NKAIN3: variants seen among roughly 807,000 people sequenced by gnomAD.
NKAIN3 encodes the protein sodium/potassium-transporting ATPase subunit beta-1-interacting protein 3.
Under a neutral mutation model 30.2 loss-of-function variants are expected in NKAIN3, and 25 were observed. The ratio of observed to expected loss-of-function variants is 0.83; its 90% CI spans 0.60 to 1.16. The LOEUF (loss-of-function observed/expected upper bound fraction) is 1.16. Among genes scored for constraint, NKAIN3 ranks in the 50% most tolerant of loss-of-function variants. The pLI, the probability that NKAIN3 is intolerant of heterozygous loss-of-function variation, is 0.00. For synonymous variants in NKAIN3, 91 were observed against 89.6 expected, an observed-to-expected ratio of 1.02 and a Z score of -0.09; for missense variants, 225 against 254.1, an observed-to-expected ratio of 0.89 and a Z score of 0.78.
Position 62,830,988 on chromosome 8 carries a change from G to T in NKAIN3, c.471+83859G>T, listed in dbSNP as rs186375614. 5.1e-4 allele frequency among the ~76,000 whole-genome samples: 77 copies of T among 152,186 alleles called. 1 individual carries two copies. The highest frequency in any genetic ancestry group is 6.8e-3 in the Middle Eastern group (2 of 294). On this transcript the variant is annotated intron_variant, in intron 4 of 6. Transcript: ENST00000623646. ...GCTCAGACTGCCCTATATACTCCACGTATCAGCCCATTGCTTGAGGCAGCA... is the reference window on the plus strand; with the variant it reads ...GCTCAGACTGCCCTATATACTCCACTTATCAGCCCATTGCTTGAGGCAGCA...
At chr8:62,415,287 T>G (rs1804408286) in intron 1 of NKAIN3, among the ~76,000 whole-genome samples, 1 of 144,892 alleles carries the variant, frequency 6.9e-6, no homozygotes. Flanking sequence ...TATTATATAC[T>G]ATATATATTT....
Position 62,925,752 on chromosome 8 carries a change from C to A in NKAIN3, c.532+7239C>A, listed in dbSNP as rs530299450. On this transcript the variant is annotated intron_variant, in intron 5 of 6. Coordinates refer to ENST00000623646, the MANE Select transcript of NKAIN3 (RefSeq NM_001304533.3). ...TGCTTTTGGGTGGGGGTGATTTCAA[C>A]GTGTGATCAGGCACGTCACATTTCC... Among the ~76,000 whole-genome samples, 10 of 152,128 alleles carry A rather than the reference C, an allele frequency of 6.6e-5. No individual in the cohort carries two copies. The East Asian group carries it at 1.3e-3, about 21-fold the overall frequency.
At chr8:62,573,379 C>T (rs537960816) in intron 1 of NKAIN3, among the ~76,000 whole-genome samples, 2 of 152,256 alleles carry the variant, frequency 1.3e-5, no homozygotes, top group African/African-American at 2.4e-5. Context: ...TGTGCTGTGC[C>T]ACTCAGCAAG....
At chr8:62,772,000 A>G (rs941854097) in intron 4 of NKAIN3, among the ~76,000 whole-genome samples, 7 of 151,990 alleles carry the variant, frequency 4.6e-5, no homozygotes, top group African/African-American at 1.5e-4. Flanking sequence ...CAAATACTAG[A>G]TTTTATTTAT....
intron 3 of NKAIN3, among the ~76,000 whole-genome samples, chr8:62,669,662 C>T (rs1212008783): frequency 6.6e-6 from 1 of 152,042 alleles, no homozygotes; most frequent in African/African-American, 2.4e-5. Context: ...ACAATCTATC[C>T]ACCTTTTTCT....
At chr8:62,538,061 A>G (rs1808720866) in intron 1 of NKAIN3, among the ~76,000 whole-genome samples, 1 of 152,184 alleles carries the variant, frequency 6.6e-6, no homozygotes, top group African/African-American at 2.4e-5. Flanking sequence ...GTCTGAACAC[A>G]GGGAAAGGGA....
At chr8:62,932,300 C>T (rs1403879060) in intron 5 of NKAIN3, among the ~76,000 whole-genome samples, 3 of 152,180 alleles carry the variant, frequency 2.0e-5, no homozygotes, top group African/African-American at 4.8e-5. Flanking sequence ...AAAACTCGAT[C>T]TGCCAGAAGA....
At chr8:62,922,591 T>C (rs1196642666) in intron 5 of NKAIN3, among the ~76,000 whole-genome samples, 1 of 152,116 alleles carries the variant, frequency 6.6e-6, no homozygotes, top group Admixed American at 6.5e-5. Flanking sequence ...TATGAACATT[T>C]GAAGGTGAGA....
At chr8:62,914,270 A>G (rs1314927358) in intron 4 of NKAIN3, among the ~76,000 whole-genome samples, 1 of 152,200 alleles carries the variant, frequency 6.6e-6, no homozygotes, top group African/African-American at 2.4e-5. Context: ...ACATGTTCTC[A>G]CTTATAAATG....
At chr8:62,565,050 G>A (rs1030070290) in intron 1 of NKAIN3, among the ~76,000 whole-genome samples, 13 of 151,932 alleles carry the variant, frequency 8.6e-5, no homozygotes, top group Non-Finnish European at 1.8e-4. Context: ...TTGATTCAAT[G>A]AATAAATATA....
intron 3 of NKAIN3, 146 bp from the exon 4 acceptor site, chr8:62,746,786 T>G: frequency 1.7e-6 from 1 of 584,554 alleles, no homozygotes; most frequent in Non-Finnish European, 3.1e-6. Context: ...ATGCAGCCAC[T>G]TGGGGCTTTG....
At chr8:62,389,724 C>T (rs989578114) in intron 1 of NKAIN3, among the ~76,000 whole-genome samples, 1 of 152,152 alleles carries the variant, frequency 6.6e-6, no homozygotes, top group African/African-American at 2.4e-5. Flanking sequence ...CCAAAAAATG[C>T]AGAGTAACTG....
chr8:62,579,826 T>A (rs932193016), intron 2 of NKAIN3, 150 bp downstream of exon 2: 6 of 440,456 alleles, frequency 1.4e-5, no homozygotes, highest in African/African-American at 1.2e-4. Flanking sequence ...GAAGTGATTA[T>A]CTGTGGAAAA....
intron 3 of NKAIN3, among the ~76,000 whole-genome samples, chr8:62,688,433 T>C (rs868324840): frequency 6.6e-6 from 1 of 152,214 alleles, no homozygotes; most frequent in Non-Finnish European, 1.5e-5. Context: ...TGCTAAACAT[T>C]AAATCTGTGC....
chr8:62,569,052 C>T (rs1012354594), intron 1 of NKAIN3, among the ~76,000 whole-genome samples: 1 of 152,172 alleles, frequency 6.6e-6, no homozygotes, highest in Non-Finnish European at 1.5e-5. Context: ...ATATATCAGA[C>T]TACAACTGTC....
Position 62,982,175 on chromosome 8 carries a change from T to G in NKAIN3, c.*16768T>G, listed in dbSNP as rs1284300809. 1 of 152,228 alleles carries G rather than the reference T, an allele frequency of 6.6e-6. No individual in the cohort carries two copies. Among genetic ancestry groups the G allele is most frequent in the Non-Finnish European group, 1.5e-5 (1 of 68,038 alleles). 9.4% of individuals were successfully genotyped at this position (152,228 alleles called of 1,614,324 possible). ...GCATTTCATTTGTATTATGATGATT[T>G]CAGACTATCAATTTAAAAATTCATT... On this transcript the variant is annotated 3_prime_UTR_variant, in exon 7 of 7. Coordinates refer to ENST00000623646, the MANE Select transcript of NKAIN3 (RefSeq NM_001304533.3).
At chr8:62,839,702 A>C (rs568109755) in intron 4 of NKAIN3, among the ~76,000 whole-genome samples, 32 of 151,976 alleles carry the variant, frequency 2.1e-4, no homozygotes, top group Non-Finnish European at 4.0e-4. Flanking sequence ...CCTGGAGCCC[A>C]ACTCCTGGGC....
chr8:62,771,954 A>G lies in NKAIN3; in HGVS notation c.471+24825A>G, dbSNP rs1817027240. 3.3e-5 allele frequency among the ~76,000 whole-genome samples: 5 copies of G among 152,252 alleles called. No homozygotes were observed. In the South Asian group the frequency reaches 1.0e-3, roughly 32 times the overall value. On this transcript the variant is annotated intron_variant, in intron 4 of 6. Transcript: ENST00000623646. Reference sequence around the variant, plus strand: ...TTTTGGTTATTTTAAAATGTAGAGTAAATTATTGTTTACTTTAGGCACTGT... The same window carrying G: ...TTTTGGTTATTTTAAAATGTAGAGTGAATTATTGTTTACTTTAGGCACTGT...
intron 1 of NKAIN3, among the ~76,000 whole-genome samples, chr8:62,516,250 G>A (rs546383668): frequency 1.3e-5 from 2 of 152,132 alleles, no homozygotes; most frequent in South Asian, 2.1e-4. Context: ...AAGGATTCAA[G>A]GTTGTTGATT....
Sources: gnomAD v4.1 joint callset for allele counts (sites outside exome capture counted in the v4.1 genomes callset) on GRCh38, gnomAD v4.1.1 for gene constraint, MANE v1.5 for transcripts, NCBI Gene and HGNC (gene_info 2026-07-23, HGNC 2026-07-21) for gene names.